The following AHDC1 variants were observed in gnomAD, a reference collection of about 807,000 sequenced individuals.
The protein encoded by AHDC1 is transcription factor Gibbin.
AHDC1 carries 7 observed loss-of-function variants against 87.9 expected under a neutral mutation model. That is an observed-to-expected ratio of 0.08 (90% CI 0.05 to 0.15). The LOEUF is 0.15. AHDC1 is among the 10% of genes least tolerant of loss of function. The pLI, the probability that AHDC1 is intolerant of heterozygous loss-of-function variation, is 1.00. For missense variants in AHDC1, 1,841 were observed against 2,253.2 expected (o/e 0.82, Z 3.70); for synonymous variants, 1,051 against 1,006.8 (o/e 1.04, Z -0.83).
rs753155741 is a variant in AHDC1 at position 27,549,428 on chromosome 1, G to A, written c.2688C>T (p.Ser896=). The A allele has an allele frequency of 4.3e-6, 7 of 1,612,688 alleles. No individual in the cohort carries two copies. The Admixed American group carries it at 1.0e-4, about 23-fold the overall frequency. Residue 896 remains serine, a synonymous_variant, in exon 8 of 9, where the codon AGC becomes AGT. Coordinates refer to ENST00000673934, the MANE Select transcript of AHDC1 (RefSeq NM_001371928.1). ...CCCCGCTGCTACCCACTGCCACTGG[G>A]CTGGCCTTGGCTCCCCGGCTAGGGA... ...ATFPSRGAKA[S]PVAVGSSGAG...
intron 3 of AHDC1, among the ~76,000 whole-genome samples, chr1:27,594,033 C>T (rs1389434354): frequency 6.6e-6 from 1 of 152,108 alleles, no homozygotes; most frequent in Non-Finnish European, 1.5e-5. Context: ...ACCCAGAGCC[C>T]CCCTATCTCC....
chr1:27,542,551 G>T (rs1378694899), intron 8 of AHDC1, among the ~76,000 whole-genome samples: 1 of 152,232 alleles, frequency 6.6e-6, no homozygotes, highest in Non-Finnish European at 1.5e-5. Flanking sequence ...CGTGCTCACT[G>T]TGTACCAGGG....
intron 8 of AHDC1, among the ~76,000 whole-genome samples, chr1:27,542,832 C>G (rs1407072213): frequency 6.6e-6 from 1 of 152,200 alleles, no homozygotes; most frequent in East Asian, 1.9e-4. Context: ...GAAATGAGGG[C>G]TCAGAACAAG....
At chr1:27,557,727 C>T (rs2019889190) in intron 5 of AHDC1, among the ~76,000 whole-genome samples, 1 of 152,206 alleles carries the variant, frequency 6.6e-6, no homozygotes, top group Non-Finnish European at 1.5e-5. Flanking sequence ...AGCACCCTTG[C>T]ACACATGACA....
At position 27,548,063 on chromosome 1, in the gene AHDC1, C is replaced by T. The variant is rs769447737; in HGVS notation, c.4053G>A (p.Pro1351=). The change falls in exon 8 of 9, where the codon CCG becomes CCA. Residue 1351 remains proline (P), a synonymous_variant. Coordinates refer to ENST00000673934, the MANE Select transcript of AHDC1 (RefSeq NM_001371928.1). ...CAAAGGTGCCATCGGAAGGCGTGGA[C>T]GGGTTCATGGAGTAGGGTCCTATGA... The part of the protein sequence containing the change: ...CDFIGPYSMN[P]STPSDGTFGQ... 47 of 1,613,772 alleles carry T rather than the reference C, an allele frequency of 2.9e-5. No individual in the cohort carries two copies. The highest frequency in any genetic ancestry group is 5.5e-5 in the South Asian group (5 of 91,086).
At chr1:27,585,795 C>T (rs1424459416) in intron 3 of AHDC1, among the ~76,000 whole-genome samples, 1 of 152,150 alleles carries the variant, frequency 6.6e-6, no homozygotes, top group Admixed American at 6.5e-5. Context: ...CTTCCTCCAA[C>T]TGTTAACTCT....
intron 5 of AHDC1, among the ~76,000 whole-genome samples, chr1:27,556,617 G>A (rs1042245753): frequency 1.3e-5 from 2 of 152,012 alleles, no homozygotes; most frequent in Non-Finnish European, 2.9e-5. Flanking sequence ...AATAATAATG[G>A]CAGCTGTCAC....
chr1:27,603,529 C>T (rs1023593849), intron 2 of AHDC1, 35 bp from the exon 3 acceptor site: 2 of 152,354 alleles, frequency 1.3e-5, no homozygotes, highest in African/African-American at 4.8e-5. Flanking sequence ...CCCTGAGCCG[C>T]CCGCCGTCGC....
intron 3 of AHDC1, among the ~76,000 whole-genome samples, chr1:27,564,663 A>AG (rs2020241616): frequency 6.6e-6 from 1 of 152,202 alleles, no homozygotes; most frequent in Non-Finnish European, 1.5e-5. Flanking sequence ...GGAGGGGGAC[A>AG]GGGGAGATGT....
At chr1:27,555,747 C>A (rs1403306084) in intron 5 of AHDC1, among the ~76,000 whole-genome samples, 4 of 152,154 alleles carry the variant, frequency 2.6e-5, no homozygotes, top group Non-Finnish European at 5.9e-5. Flanking sequence ...TCAGGCTAGC[C>A]GAGCCTTCCC....
chr1:27,596,638 C>T (rs1209538715), intron 3 of AHDC1, among the ~76,000 whole-genome samples: 3 of 152,042 alleles, frequency 2.0e-5, no homozygotes, highest in African/African-American at 7.3e-5. Flanking sequence ...CTGCATAGTC[C>T]CTACACTCAC....
chr1:27,584,920 C>G (rs1460326369), intron 3 of AHDC1, among the ~76,000 whole-genome samples: 1 of 152,098 alleles, frequency 6.6e-6, no homozygotes, highest in Non-Finnish European at 1.5e-5. Context: ...CACCTGTAAT[C>G]TCAGCACTTT....
intron 8 of AHDC1, among the ~76,000 whole-genome samples, chr1:27,538,839 G>A (rs2018775377): frequency 6.6e-6 from 1 of 152,084 alleles, no homozygotes; most frequent in Admixed American, 6.5e-5. Context: ...TAAAATAAGG[G>A]AGCTGAACAG....
chr1:27,556,913 C>T (rs1203036951), intron 5 of AHDC1, among the ~76,000 whole-genome samples: 1 of 152,094 alleles, frequency 6.6e-6, no homozygotes, highest in Non-Finnish European at 1.5e-5. Flanking sequence ...TCCCTCGCCA[C>T]TAGGTGTCCC....
intron 8 of AHDC1, among the ~76,000 whole-genome samples, chr1:27,545,857 G>C (rs2019140124): frequency 6.6e-6 from 1 of 152,168 alleles, no homozygotes; most frequent in South Asian, 2.1e-4. Flanking sequence ...GCCCAGAGAG[G>C]GGCAAAAGCT....
In AHDC1 at chr1:27,576,766, C is replaced by T. The variant is rs1318907453; in HGVS notation, c.-628-17883G>A. On this transcript the variant is annotated intron_variant, in intron 3 of 8. Coordinates refer to ENST00000673934, the MANE Select transcript of AHDC1 (RefSeq NM_001371928.1). Reference sequence around the variant, plus strand: ...GCTGTTCTCAACAGCTCCACTGGGGCCATTCCCACCTCCATCTACCCGTAG... The same window carrying T: ...GCTGTTCTCAACAGCTCCACTGGGGTCATTCCCACCTCCATCTACCCGTAG... Among the ~76,000 whole-genome samples the T allele has an allele frequency of 2.0e-5, 3 of 152,184 alleles. No individual in the cohort carries two copies. The East Asian group carries it at 5.8e-4, about 29-fold the overall frequency.
chr1:27,541,794 T>C (rs2018935362), intron 8 of AHDC1, among the ~76,000 whole-genome samples: 1 of 152,042 alleles, frequency 6.6e-6, no homozygotes, highest in African/African-American at 2.4e-5. Context: ...CATGCCCGGC[T>C]AATTTTCGTA....
At chr1:27,584,597 C>T (rs1413317795) in intron 3 of AHDC1, among the ~76,000 whole-genome samples, 1 of 152,182 alleles carries the variant, frequency 6.6e-6, no homozygotes, top group East Asian at 1.9e-4. Flanking sequence ...GGGCAGCAAG[C>T]TCTCTGAGGC....
intron 3 of AHDC1, among the ~76,000 whole-genome samples, chr1:27,599,624 TG>T (rs2089476622): frequency 1.3e-5 from 2 of 152,124 alleles, no homozygotes; most frequent in South Asian, 4.1e-4. Context: ...GTCAAACAAG[TG>T]GGGGGCGTCC....
Sources: gnomAD v4.1 joint callset for allele counts (sites outside exome capture counted in the v4.1 genomes callset) on GRCh38, gnomAD v4.1.1 for gene constraint, MANE v1.5 for transcripts, NCBI Gene and HGNC (gene_info 2026-07-23, HGNC 2026-07-21) for gene names.